Variants in FGFR1 observed in about 807,000 individuals in gnomAD.
FGFR1 encodes the protein FGFR1/PLAG1 fusion.
A neutral mutation model predicts 93.7 loss-of-function variants in FGFR1; 18 were observed. The observed-to-expected ratio is 0.19, with a 90% CI of 0.13 to 0.28. The LOEUF (loss-of-function observed/expected upper bound fraction) is 0.28, where lower values mean the gene tolerates loss of function less well. Ranked by LOEUF, FGFR1 falls within the 10% of genes least tolerant of loss-of-function variation. The pLI, the probability that FGFR1 is intolerant of heterozygous loss-of-function variation, is 1.00. For missense variants in FGFR1, 731 were observed against 1,080.4 expected, an observed-to-expected ratio of 0.68 and a Z score of 4.53; for synonymous variants, 448 against 429.3, an observed-to-expected ratio of 1.04 and a Z score of -0.54.
At chr8:38,446,855 A>G (rs1829452430) in intron 2 of FGFR1, among the ~76,000 whole-genome samples, 1 of 152,192 alleles carries the variant, frequency 6.6e-6, no homozygotes, top group South Asian at 2.1e-4. Context: ...GCGTCCAGGC[A>G]ATACCCATAC....
At position 38,429,427 on chromosome 8, in the gene FGFR1, A is replaced by G. The variant is rs537604586; in HGVS notation, c.358+255T>C. On this transcript the variant is annotated intron_variant, in intron 3 of 17. Transcript: ENST00000447712. This position sits in a 1 kb window ranked among gnomAD's most constrained non-coding sequence, Gnocchi z 4.4. ...AAAAATCACAGGGTCTTAACATCCC[A>G]AGAGCCCTGGCAATCACCTCCGAGG... The G allele has an allele frequency of 7.1e-6, 5 of 699,546 alleles. No homozygotes were observed. Among genetic ancestry groups the G allele is most frequent in the Non-Finnish European group, 1.3e-5 (5 of 382,348 alleles). The allele number at this position is 699,546 out of a possible 1,614,324, so 43.3% of individuals were successfully genotyped here.
intron 2 of FGFR1, among the ~76,000 whole-genome samples, chr8:38,440,994 G>A (rs755459814): frequency 3.3e-5 from 5 of 152,006 alleles, no homozygotes; most frequent in Admixed American, 6.6e-5. Context: ...GTCCCACCTC[G>A]TCACTGTAAT....
chr8:38,463,626 G>C (rs1383109463), intron 1 of FGFR1, among the ~76,000 whole-genome samples: 2 of 152,084 alleles, frequency 1.3e-5, no homozygotes, highest in Non-Finnish European at 2.9e-5. Flanking sequence ...AAAAAAAAGG[G>C]CTGATGAAAA....
chr8:38,412,152 A>G lies in FGFR1; in HGVS notation c.*1476T>C, dbSNP rs566204096. On this transcript the variant is annotated 3_prime_UTR_variant, in exon 18 of 18. Transcript: ENST00000447712. ...ACTGCAACCTCCGCCTCCCAGCTTC[A>G]AGGGATTCTGCCTCAGCCTCCTGTG... is the stretch of plus-strand genomic sequence containing the variant. 1.9e-5 allele frequency: 4 copies of G among 206,604 alleles called. No individual in the cohort carries two copies. The highest frequency in any genetic ancestry group is 4.0e-5 in the Non-Finnish European group (4 of 101,192). The allele number at this position is 206,604 out of a possible 1,614,324, so 12.8% of individuals were successfully genotyped here. A position where few individuals can be genotyped will look rare whatever the true frequency, so the allele number is the denominator to read the frequency against.
intron 8 of FGFR1, among the ~76,000 whole-genome samples, chr8:38,421,181 C>T (rs1053496564): frequency 1.1e-4 from 17 of 152,316 alleles, no homozygotes; most frequent in African/African-American, 3.4e-4. Flanking sequence ...TGGCTCAACA[C>T]GCAGACCTCC....
chr8:38,420,774 A>AGAGGCAT (rs1382125109), intron 8 of FGFR1, among the ~76,000 whole-genome samples: 1 of 152,140 alleles, frequency 6.6e-6, no homozygotes, highest in Non-Finnish European at 1.5e-5. Flanking sequence ...ACCTTCCCAG[A>AGAGGCAT]GAGGCATGAG....
intron 2 of FGFR1, among the ~76,000 whole-genome samples, chr8:38,445,702 T>C (rs12548225): frequency 0.018 from 2,784 of 150,938 alleles, 85 homozygotes; most frequent in African/African-American, 0.063. Flanking sequence ...TCACGCCCGG[T>C]TATTTTTTTT....
At position 38,414,647 on chromosome 8, in the gene FGFR1, G is replaced by A. The variant is rs1489102961; in HGVS notation, c.1978-18C>T. Reference sequence around the variant, plus strand: ...AGTCGGCCCTGAAAGCAGCACAGGGGAGGTTGGAGTGGCCCCAGGCAGGGC... The same window carrying A: ...AGTCGGCCCTGAAAGCAGCACAGGGAAGGTTGGAGTGGCCCCAGGCAGGGC... On this transcript the variant is annotated intron_variant, in intron 14 of 17. Coordinates refer to ENST00000447712, the MANE Select transcript of FGFR1 (RefSeq NM_023110.3). 1.9e-6 allele frequency: 3 copies of A among 1,613,670 alleles called. No individual in the cohort carries two copies. Among genetic ancestry groups the A allele is most frequent in the Admixed American group, 1.7e-5 (1 of 60,006 alleles).
At chr8:38,437,028 G>A (rs957804348) in intron 2 of FGFR1, among the ~76,000 whole-genome samples, 1 of 152,132 alleles carries the variant, frequency 6.6e-6, no homozygotes, top group African/African-American at 2.4e-5. Flanking sequence ...CTATAGACAA[G>A]CGCCACCACG....
At chr8:38,448,848 G>A (rs555594296) in intron 2 of FGFR1, among the ~76,000 whole-genome samples, 5 of 152,248 alleles carry the variant, frequency 3.3e-5, no homozygotes, top group South Asian at 2.1e-4. Context: ...CCAGCTTCTC[G>A]GGAGGGTGAG....
rs1000972437 is a variant in FGFR1, at chr8:38,412,823, T to C, written c.*805A>G. 4.3e-6 allele frequency: 1 copy of C among 233,484 alleles called. No individual in the cohort carries two copies. Among genetic ancestry groups the C allele is most frequent in the Admixed American group, 5.6e-5 (1 of 17,782 alleles). The allele number at this position is 233,484 out of a possible 1,614,324, so 14.5% of individuals were successfully genotyped here. On this transcript the variant is annotated 3_prime_UTR_variant, in exon 18 of 18. Coordinates refer to ENST00000447712, the MANE Select transcript of FGFR1 (RefSeq NM_023110.3). The stretch of plus-strand genomic sequence containing the variant: ...AAAACAGCAAAAGTAGCAAAAAATA[T>C]ATGACCTTTTTAAAAACATTTTCCT...
intron 2 of FGFR1, among the ~76,000 whole-genome samples, chr8:38,448,899 G>C (rs957569803): frequency 2.6e-5 from 4 of 152,168 alleles, no homozygotes; most frequent in African/African-American, 9.7e-5. Flanking sequence ...AGGTTGCAGT[G>C]AGCCGAGATC....
chr8:38,428,381 T>C lies in FGFR1; in HGVS notation c.413A>G (p.Glu138Gly), dbSNP rs1189578264. 1 of 1,614,018 alleles carries C rather than the reference T, an allele frequency of 6.2e-7. No individual in the cohort carries two copies. The highest frequency in any genetic ancestry group is 1.7e-5 in the Admixed American group (1 of 60,008). The change falls in exon 4 of 18, where the codon GAG becomes GGG. Residue 138 changes from glutamate (E) to glycine (G), a missense_variant. Transcript: ENST00000447712. ...TGGTTTGGTGTTATCTGTTTCTTTC[T>C]CCTCTGAAGAGGAGTCATCATCATC... is the stretch of plus-strand genomic sequence containing the variant. ...DDDDDDSSSE[E>G]KETDNTKPNR...
intron 13 of FGFR1, 26 bp downstream of exon 13, chr8:38,415,844 C>T (rs777647992): frequency 6.2e-7 from 1 of 1,607,686 alleles, no homozygotes; most frequent in Non-Finnish European, 8.5e-7. Context: ...CCTGGCATTA[C>T]CCAGGGGAGC....
At chr8:38,425,951 TAAGAA>T (rs1214005936) in intron 6 of FGFR1, 166 bp downstream of exon 6, 61 of 815,750 alleles carry the variant, frequency 7.5e-5, no homozygotes, top group Non-Finnish European at 1.2e-4. Context: ...ATTTTACAGA[TAAGAA>T]AAGTGAGGCT....
In FGFR1 at chr8:38,429,185, T is replaced by C; in HGVS notation, c.358+497A>G. On this transcript the variant is annotated intron_variant, in intron 3 of 17. Transcript: ENST00000447712. This position sits in a 1 kb window ranked among gnomAD's most constrained non-coding sequence, Gnocchi z 4.4. ...AAGTCACATTCTAAGAGTGGCAAGT[T>C]CCCAAGTTCACAGAGCTCCAGGGCT... The C allele has an allele frequency of 2.5e-6, 1 of 397,016 alleles. No individual in the cohort carries two copies. Among genetic ancestry groups the C allele is most frequent in the South Asian group, 1.8e-5 (1 of 54,460 alleles). The allele number at this position is 397,016 out of a possible 1,614,324, so 24.6% of individuals were successfully genotyped here.
At chr8:38,449,517 G>A (rs951632914) in intron 2 of FGFR1, among the ~76,000 whole-genome samples, 3 of 152,202 alleles carry the variant, frequency 2.0e-5, no homozygotes, top group African/African-American at 4.8e-5. Flanking sequence ...AGAAACCTCC[G>A]TGTTGCTGTT....
chr8:38,451,091 CT>C (rs1438603726), intron 2 of FGFR1, among the ~76,000 whole-genome samples: 1 of 152,186 alleles, frequency 6.6e-6, no homozygotes, highest in Non-Finnish European at 1.5e-5. Flanking sequence ...GGCCTAAATC[CT>C]CCACCCTTGT....
At chr8:38,417,267 C>A (rs2150622241) in intron 12 of FGFR1, 39 bp downstream of exon 12, 7 of 1,521,194 alleles carry the variant, frequency 4.6e-6, no homozygotes, top group Non-Finnish European at 6.4e-6. Context: ...CAGATCTTCT[C>A]CCCGCTGGGC....
Sources: allele counts gnomAD v4.1 joint callset (sites outside exome capture counted in the v4.1 genomes callset), GRCh38; gene constraint gnomAD v4.1.1; non-coding constraint Gnocchi (gnomAD v3.1); transcripts MANE v1.5; gene names NCBI Gene and HGNC (gene_info 2026-07-23, HGNC 2026-07-21).